DLC1: variants seen among roughly 807,000 people sequenced by gnomAD.
DLC1 encodes DLC1 Rho GTPase activating protein, also known as rho GTPase-activating protein 7.
Under a neutral mutation model 140.3 loss-of-function variants are expected in DLC1, and 54 were observed. The observed-to-expected ratio is 0.38, with a 90% CI of 0.31 to 0.48. The LOEUF (loss-of-function observed/expected upper bound fraction) is 0.48. DLC1 is among the 20% of genes least tolerant of loss of function. The probability of loss-of-function intolerance (pLI) is 0.96; values close to 1 mark genes in which losing one functional copy is unlikely to be tolerated. For synonymous variants in DLC1, 986 were observed against 728.1 expected, an observed-to-expected ratio of 1.35 and a Z score of -5.70; for missense variants, 2,536 against 1,907.0, an observed-to-expected ratio of 1.33 and a Z score of -6.14.
chr8:13,215,893 C>T (rs1374281757), intron 5 of DLC1, among the ~76,000 whole-genome samples: 2 of 152,180 alleles, frequency 1.3e-5, no homozygotes, highest in Non-Finnish European at 2.9e-5. Flanking sequence ...AAGGCTACAA[C>T]TCGTCTCCCC....
intron 2 of DLC1, among the ~76,000 whole-genome samples, chr8:13,406,310 G>A (rs994110485): frequency 3.0e-4 from 45 of 150,634 alleles, no homozygotes; most frequent in African/African-American, 8.8e-4. Flanking sequence ...GAGCCACTGC[G>A]CCTGACCTTG....
chr8:13,427,837 A>G (rs142772207), intron 2 of DLC1, among the ~76,000 whole-genome samples: 167 of 152,282 alleles, frequency 1.1e-3, no homozygotes, highest in Non-Finnish European at 2.0e-3. Context: ...TCATTTCTTT[A>G]TTAGACTGAA....
At chr8:13,482,084 C>T (rs370270915) in intron 2 of DLC1, among the ~76,000 whole-genome samples, 1 of 152,142 alleles carries the variant, frequency 6.6e-6, no homozygotes, top group Non-Finnish European at 1.5e-5. Flanking sequence ...ACCACAATTA[C>T]GATGACTTTC....
chr8:13,572,470 A>G (rs945168158), intron 1 of DLC1, among the ~76,000 whole-genome samples: 1 of 152,166 alleles, frequency 6.6e-6, no homozygotes, highest in Non-Finnish European at 1.5e-5. Flanking sequence ...TTTTATACAC[A>G]CAAGTTTTTA....
chr8:13,399,091 T>C (rs945371642), intron 3 of DLC1, among the ~76,000 whole-genome samples: 1 of 152,138 alleles, frequency 6.6e-6, no homozygotes, highest in Non-Finnish European at 1.5e-5. Flanking sequence ...CTGGCCTGTG[T>C]GTGTCTGAAC....
rs141686696 is a variant in DLC1 at position 13,261,666 on chromosome 8, T to C, written c.1348+43603A>G. ...AGGGTGGTGCCAAGTGGTCAGCGTC[T>C]AGATGCATTTGCAGGTACAGATGAT... On this transcript the variant is annotated intron_variant, in intron 5 of 17. Coordinates refer to ENST00000276297, the MANE Select transcript of DLC1 (RefSeq NM_182643.3). Among the ~76,000 whole-genome samples the C allele has an allele frequency of 8.1e-4, 123 of 152,134 alleles. 1 individual carries two copies. Among genetic ancestry groups the C allele is most frequent in the Admixed American group, 5.3e-3 (81 of 15,280 alleles).
chr8:13,491,714 C>CT (rs559140419), intron 2 of DLC1, among the ~76,000 whole-genome samples: 9 of 152,102 alleles, frequency 5.9e-5, no homozygotes, highest in Admixed American at 2.0e-4. Flanking sequence ...ACATGATTCC[C>CT]TTGTCCCTCT....
At chr8:13,585,629 G>T (rs569310571) in intron 1 of DLC1, among the ~76,000 whole-genome samples, 3 of 152,266 alleles carry the variant, frequency 2.0e-5, no homozygotes, top group South Asian at 2.1e-4. Flanking sequence ...GTATCACCAG[G>T]GTTTGTTCCT....
intron 2 of DLC1, among the ~76,000 whole-genome samples, chr8:13,438,096 C>T (rs954882132): frequency 1.3e-5 from 2 of 149,806 alleles, no homozygotes; most frequent in African/African-American, 2.5e-5. Context: ...ATACTTTTCT[C>T]TAAAGCAATG....
At position 13,389,249 on chromosome 8, in the gene DLC1, A is replaced by C. The variant is rs950108094; in HGVS notation, c.1314+4304T>G. On this transcript the variant is annotated intron_variant, in intron 4 of 17. Coordinates refer to ENST00000276297, the MANE Select transcript of DLC1 (RefSeq NM_182643.3). ...TATCTTTAGGAAAAACAACCACAAC[A>C]AAACCTCAGAGATTTTAATGTTCAG... 3.3e-5 allele frequency among the ~76,000 whole-genome samples: 5 copies of C among 152,160 alleles called. 1 individual carries two copies. The highest frequency in any genetic ancestry group is 2.6e-4 in the Admixed American group (4 of 15,266).
chr8:13,497,696 C>T (rs1411878698), intron 2 of DLC1, among the ~76,000 whole-genome samples: 2 of 152,142 alleles, frequency 1.3e-5, no homozygotes, highest in African/African-American at 4.8e-5. Flanking sequence ...TCAGTTAATA[C>T]TGTCTTATGT....
At chr8:13,518,274 A>G (rs987943650), upstream of DLC1, among the ~76,000 whole-genome samples, 2 of 152,084 alleles carry the variant, frequency 1.3e-5, no homozygotes, top group East Asian at 3.9e-4. Flanking sequence ...ACACTTGGCT[A>G]ATTTCTGTAT....
Position 13,125,271 on chromosome 8 carries a change from C to T in DLC1, c.1349-9614G>A, listed in dbSNP as rs540136610. The stretch of plus-strand genomic sequence containing the variant: ...GGATTACAGGCATGAGCCACCAAAC[C>T]TGGCCTAATTTGCTTTTTAAGAGAT... On this transcript the variant is annotated intron_variant, in intron 5 of 17. Transcript: ENST00000276297. Among the ~76,000 whole-genome samples, 5 of 152,358 alleles carry T rather than the reference C, an allele frequency of 3.3e-5. No homozygotes were observed. The East Asian group carries it at 9.6e-4, about 29-fold the overall frequency.
intron 5 of DLC1, among the ~76,000 whole-genome samples, chr8:13,209,380 C>T (rs899844846): frequency 6.6e-6 from 1 of 152,084 alleles, no homozygotes; most frequent in Non-Finnish European, 1.5e-5. Context: ...AGAACAATAA[C>T]ATCATGATGA....
intron 1 of DLC1, among the ~76,000 whole-genome samples, chr8:13,552,240 T>A (rs1456913961): frequency 6.8e-6 from 1 of 146,822 alleles, no homozygotes; most frequent in Non-Finnish European, 1.5e-5. Context: ...TATATATATA[T>A]ACCCCCATAC....
chr8:13,185,097 T>G (rs1386175237), intron 5 of DLC1, among the ~76,000 whole-genome samples: 3 of 150,222 alleles, frequency 2.0e-5, no homozygotes, highest in Non-Finnish European at 3.0e-5. Flanking sequence ...GTCTGTTTTA[T>G]CAGAGACTAG....
intron 4 of DLC1, among the ~76,000 whole-genome samples, chr8:13,355,563 C>G (rs1343309056): frequency 6.6e-6 from 1 of 152,130 alleles, no homozygotes; most frequent in Non-Finnish European, 1.5e-5. Context: ...GACAAGAATC[C>G]TATCAGATCA....
intron 5 of DLC1, among the ~76,000 whole-genome samples, chr8:13,166,807 TG>T (rs1189406812): frequency 6.6e-6 from 1 of 152,156 alleles, no homozygotes; most frequent in Non-Finnish European, 1.5e-5. Context: ...AGTGCAGCTA[TG>T]GGGGAGAAAG....
At chr8:13,141,204 G>A (rs538261554) in intron 5 of DLC1, among the ~76,000 whole-genome samples, 28 of 136,824 alleles carry the variant, frequency 2.0e-4, no homozygotes, top group South Asian at 4.8e-4. Flanking sequence ...GCGGTGAGCC[G>A]AGATTGCGCC....
Sources: allele counts gnomAD v4.1 joint callset (sites outside exome capture counted in the v4.1 genomes callset), GRCh38; gene constraint gnomAD v4.1.1; transcripts MANE v1.5; gene names NCBI Gene and HGNC (gene_info 2026-07-23, HGNC 2026-07-21).